Variants in ATG4B observed in about 807,000 individuals in gnomAD.
The protein encoded by ATG4B is autophagy related 4B cysteine peptidase.
Under a neutral mutation model 56.6 loss-of-function variants are expected in ATG4B, and 29 were observed. The ratio of observed to expected loss-of-function variants is 0.51; its 90% CI spans 0.38 to 0.70. ATG4B has a LOEUF of 0.70. ATG4B is among the 30% of genes least tolerant of loss of function. ATG4B has a pLI of 0.00. For synonymous variants in ATG4B, 224 were observed against 206.1 expected (o/e 1.09, Z -0.74); for missense variants, 461 against 515.5 (o/e 0.89, Z 1.02).
At chr2:241,671,248 C>A in intron 11 of ATG4B, 64 bp from the exon 12 acceptor site, 1 of 1,478,528 alleles carries the variant, frequency 6.8e-7, no homozygotes, top group Non-Finnish European at 9.3e-7. Flanking sequence ...CGGCTGGCCC[C>A]TTTCTCTTGG....
In ATG4B at chr2:241,651,370, A is replaced by T; in HGVS notation, c.184+35A>T. 1 of 1,492,550 alleles carries T rather than the reference A, an allele frequency of 6.7e-7. No individual in the cohort carries two copies. The highest frequency in any genetic ancestry group is 9.1e-7 in the Non-Finnish European group (1 of 1,098,820). 92.5% of individuals were successfully genotyped at this position (1,492,550 alleles called of 1,614,324 possible). A position where few individuals can be genotyped will look rare whatever the true frequency, so the allele number is the denominator to read the frequency against. On this transcript the variant is annotated intron_variant, in intron 3 of 12. Transcript: ENST00000404914. The surrounding 1 kb of genome is among the most constrained non-coding windows in gnomAD (Gnocchi z 4.1). ...CTGTTTTATTACAACGCGGGACAAAATATGTTTTTAGGAAGGAGGAAAACT... is the reference window on the plus strand; with the variant it reads ...CTGTTTTATTACAACGCGGGACAAATTATGTTTTTAGGAAGGAGGAAAACT...
chr2:241,647,222 GAT>G (rs1293344791), intron 1 of ATG4B, among the ~76,000 whole-genome samples: 2 of 152,254 alleles, frequency 1.3e-5, no homozygotes, highest in African/African-American at 4.8e-5. Flanking sequence ...TTAAATAAAA[GAT>G]ATGTGTATCT....
In ATG4B at chr2:241,653,320, C is replaced by T. The variant is rs1050083121; in HGVS notation, c.185-192C>T. ...GCCCATTTTGAGGAGGTTGTCGGGA[C>T]ATTTCACTCTCCAGTAAATGTGGCC... On this transcript the variant is annotated intron_variant, in intron 3 of 12. Coordinates refer to ENST00000404914, the MANE Select transcript of ATG4B (RefSeq NM_013325.5). 1.3e-5 allele frequency: 20 copies of T among 1,548,896 alleles called. No homozygotes were observed. The Admixed American group carries it at 1.4e-4, about 11-fold the overall frequency.
Position 241,653,498 on chromosome 2 carries a change from G to C in ATG4B, c.185-14G>C, listed in dbSNP as rs1395703013. 13 of 1,567,214 alleles carry C rather than the reference G, an allele frequency of 8.3e-6. No individual in the cohort carries two copies. The highest frequency in any genetic ancestry group is 2.4e-5 in the South Asian group (2 of 85,040). Reference sequence around the variant, plus strand: ...TCTGGCCATGAGCACTTCTCTCTCTGTCTGCCACGACAGGGGGGACAGGCC... The same window carrying C: ...TCTGGCCATGAGCACTTCTCTCTCTCTCTGCCACGACAGGGGGGACAGGCC... On this transcript the variant is annotated splice_polypyrimidine_tract_variant and intron_variant, in intron 3 of 12. Coordinates refer to ENST00000404914, the MANE Select transcript of ATG4B (RefSeq NM_013325.5).
intron 7 of ATG4B, among the ~76,000 whole-genome samples, chr2:241,664,565 C>G (rs1419655020): frequency 6.6e-6 from 1 of 151,914 alleles, no homozygotes; most frequent in East Asian, 1.9e-4. Context: ...CCAAACAACT[C>G]CCTTAAGGCT....
intron 1 of ATG4B, among the ~76,000 whole-genome samples, chr2:241,649,061 TTA>T (rs919448380): frequency 3.3e-5 from 5 of 152,194 alleles, no homozygotes; most frequent in African/African-American, 1.2e-4. Flanking sequence ...TTATCCCATT[TTA>T]TGGATGAGGG....
intron 1 of ATG4B, among the ~76,000 whole-genome samples, chr2:241,643,451 C>T (rs1325076539): frequency 2.7e-5 from 4 of 150,732 alleles, no homozygotes; most frequent in Non-Finnish European, 5.9e-5. Flanking sequence ...AAGTGATCCT[C>T]CCATCTTGGC....
At chr2:241,645,427 CTG>C (rs2068033675) in intron 1 of ATG4B, among the ~76,000 whole-genome samples, 1 of 152,228 alleles carries the variant, frequency 6.6e-6, no homozygotes, top group South Asian at 2.1e-4. Flanking sequence ...ACCTTGTACT[CTG>C]TGCTGCACCT....
In ATG4B at chr2:241,668,650, A is replaced by C. The variant is rs1343517246; in HGVS notation, c.922A>C (p.Met308Leu). ...SFHCQHPPCRMSIAELDPSIA... is the reference protein window; with the variant it reads ...SFHCQHPPCRLSIAELDPSIA... ...CCACTGCCAGCACCCGCCGTGCCGC[A>C]TGAGCATCGCGGAGCTTGACCCGTC... Residue 308 changes from methionine (M) to leucine (L), a missense_variant, in exon 10 of 13, where the codon ATG (methionine) becomes CTG (leucine). By Grantham distance (15) the Met-to-Leu change is conservative. Coordinates refer to ENST00000404914, the MANE Select transcript of ATG4B (RefSeq NM_013325.5). The surrounding 1 kb of genome is among the most constrained non-coding windows in gnomAD (Gnocchi z 4.2). 6.3e-7 allele frequency: 1 copy of C among 1,582,232 alleles called. No individual in the cohort carries two copies. The highest frequency in any genetic ancestry group is 8.6e-7 in the Non-Finnish European group (1 of 1,165,224).
chr2:241,649,394 T>C (rs1317359902), intron 1 of ATG4B, among the ~76,000 whole-genome samples: 1 of 152,278 alleles, frequency 6.6e-6, no homozygotes, highest in Non-Finnish European at 1.5e-5. Flanking sequence ...TTAGCATATG[T>C]CATTCTTATT....
chr2:241,642,033 T>TAA (rs35720921), intron 1 of ATG4B, among the ~76,000 whole-genome samples: 65 of 149,520 alleles, frequency 4.3e-4, no homozygotes, highest in East Asian at 2.5e-3. Flanking sequence ...TGGTTGGTAA[T>TAA]AAAAAAAAAA....
chr2:241,655,197 C>T (rs2068358865), intron 5 of ATG4B, 74 bp from the exon 6 acceptor site: 3 of 1,466,288 alleles, frequency 2.0e-6, no homozygotes, highest in Non-Finnish European at 1.9e-6. Flanking sequence ...TGACGTGTCT[C>T]CTGGCACCAC....
intron 7 of ATG4B, among the ~76,000 whole-genome samples, chr2:241,665,944 T>C (rs991303541): frequency 6.6e-6 from 1 of 152,240 alleles, no homozygotes; most frequent in Non-Finnish European, 1.5e-5. Flanking sequence ...TTTTGATGCT[T>C]GACGGTTCCA....
chr2:241,656,041 C>T (rs1421251596), intron 6 of ATG4B, among the ~76,000 whole-genome samples: 1 of 152,154 alleles, frequency 6.6e-6, no homozygotes, highest in Non-Finnish European at 1.5e-5. Context: ...CTCAGGGTCT[C>T]CTCCCCACTG....
chr2:241,666,076 A>G (rs958599456), intron 7 of ATG4B, among the ~76,000 whole-genome samples: 6 of 152,238 alleles, frequency 3.9e-5, no homozygotes, highest in African/African-American at 1.2e-4. Flanking sequence ...ACCTCTGAAC[A>G]TTCCCTGCCT....
chr2:241,653,721 C>T (rs2068293595), intron 4 of ATG4B, 111 bp downstream of exon 4: 2 of 912,456 alleles, frequency 2.2e-6, no homozygotes, highest in Non-Finnish European at 3.3e-6. Context: ...GTAAGTAGAA[C>T]TTGGGGGTTT....
At chr2:241,649,257 G>C (rs934111066) in intron 1 of ATG4B, among the ~76,000 whole-genome samples, 3 of 152,030 alleles carry the variant, frequency 2.0e-5, no homozygotes, top group Non-Finnish European at 4.4e-5. Context: ...AGAATGCTGA[G>C]GAAACCACAG....
rs185220541 is a variant in ATG4B, at chr2:241,670,134, C to T, written c.958-592C>T. Among the ~76,000 whole-genome samples, 4 of 152,318 alleles carry T rather than the reference C, an allele frequency of 2.6e-5. No individual in the cohort carries two copies. The South Asian group carries it at 8.3e-4, about 32-fold the overall frequency. ...AGTGCCCAGTTTGAGCTTCTCCCCCCATTTCGTTTCTTTTTGTGTTAACAT... is the reference window on the plus strand; with the variant it reads ...AGTGCCCAGTTTGAGCTTCTCCCCCTATTTCGTTTCTTTTTGTGTTAACAT... On this transcript the variant is annotated intron_variant, in intron 10 of 12. Transcript: ENST00000404914.
chr2:241,650,871 C>T (rs1400018226), intron 1 of ATG4B, 139 bp from the exon 2 acceptor site: 4 of 706,844 alleles, frequency 5.7e-6, no homozygotes, highest in East Asian at 2.7e-5. Context: ...TTGGTAGGCC[C>T]GAGATACGAG....
Sources: gnomAD v4.1 joint callset for allele counts (sites outside exome capture counted in the v4.1 genomes callset) on GRCh38, gnomAD v4.1.1 for gene constraint, Gnocchi (gnomAD v3.1) non-coding constraint, MANE v1.5 for transcripts, NCBI Gene and HGNC (gene_info 2026-07-23, HGNC 2026-07-21) for gene names.